Variants in RPTOR observed in about 807,000 individuals in gnomAD.
RPTOR encodes the protein regulatory associated protein of MTOR complex 1, also known as regulatory-associated protein of mTOR.
A neutral mutation model predicts 169.9 loss-of-function variants in RPTOR; 21 were observed. That is an observed-to-expected ratio of 0.12 (90% confidence interval 0.09 to 0.18). The LOEUF (loss-of-function observed/expected upper bound fraction) is 0.18, where lower values mean the gene tolerates loss of function less well. RPTOR is among the 10% of genes least tolerant of loss of function. The pLI is 1.00. For missense variants in RPTOR, 1,133 were observed against 1,855.9 expected (o/e 0.61, Z 7.16); for synonymous variants, 732 against 753.2 (o/e 0.97, Z 0.46).
At chr17:80,887,496 C>T (rs1261604331) in intron 17 of RPTOR, among the ~76,000 whole-genome samples, 1 of 152,146 alleles carries the variant, frequency 6.6e-6, no homozygotes, top group Non-Finnish European at 1.5e-5. Context: ...CGGTGCTCTG[C>T]AGGGGACTTG....
rs73359521 is a variant in RPTOR, at chr17:80,959,801, C to G, written c.3478-277C>G. On this transcript the variant is annotated intron_variant, in intron 29 of 33. Transcript: ENST00000306801. This position sits in a 1 kb window ranked among gnomAD's most constrained non-coding sequence, Gnocchi z 6.7. ...CGGGGTGGGGCTGGCCTCTGCCTCA[C>G]TGGCTGGGTCCCAGGCGCCTCAGGG... 1.3e-5 allele frequency among the ~76,000 whole-genome samples: 2 copies of G among 152,158 alleles called. No homozygotes were observed. Among genetic ancestry groups the G allele is most frequent in the South Asian group, 4.1e-4 (2 of 4,834 alleles).
intron 6 of RPTOR, among the ~76,000 whole-genome samples, chr17:80,770,119 G>A (rs973358916): frequency 2.0e-5 from 3 of 152,218 alleles, no homozygotes; most frequent in African/African-American, 4.8e-5. Context: ...CTCTGCATTC[G>A]AGGTGGCGTC....
chr17:80,613,536 A>G (rs988211686), intron 1 of RPTOR, among the ~76,000 whole-genome samples: 4 of 152,258 alleles, frequency 2.6e-5, no homozygotes, highest in African/African-American at 4.8e-5. Context: ...GACACTTTCA[A>G]GAACTAACAG....
In RPTOR at chr17:80,710,276, G is replaced by A. The variant is rs142313689; in HGVS notation, c.507+2277G>A. On this transcript the variant is annotated intron_variant, in intron 4 of 33. Transcript: ENST00000306801. Reference sequence around the variant, plus strand: ...TCCCAAAGTGCTGGGATTACAGCGTGAGCCACTGCGCCCCGCTCCCAGTTG... The same window carrying A: ...TCCCAAAGTGCTGGGATTACAGCGTAAGCCACTGCGCCCCGCTCCCAGTTG... 6.5e-3 allele frequency among the ~76,000 whole-genome samples: 990 copies of A among 152,134 alleles called. 11 individuals carry two copies. The highest frequency in any genetic ancestry group is 8.2e-3 in the Non-Finnish European group (556 of 68,008).
chr17:80,759,738 A>G (rs1288424992), intron 6 of RPTOR, among the ~76,000 whole-genome samples: 2 of 151,956 alleles, frequency 1.3e-5, no homozygotes, highest in Non-Finnish European at 2.9e-5. Flanking sequence ...GTATGTTTTT[A>G]GGGTTTTAGT....
chr17:80,555,399 C>T lies in RPTOR; in HGVS notation c.162+9608C>T, dbSNP rs187869505. On this transcript the variant is annotated intron_variant, in intron 1 of 33. Coordinates refer to ENST00000306801, the MANE Select transcript of RPTOR (RefSeq NM_020761.3). ...ATTGCTCCAGATTTCTAGTGTGTGT[C>T]CGGAGGGAGATGCACCACCGCCCAC... Among the ~76,000 whole-genome samples the T allele has an allele frequency of 4.6e-5, 7 of 152,138 alleles. No individual in the cohort carries two copies. The South Asian group carries it at 1.0e-3, about 23-fold the overall frequency.
intron 1 of RPTOR, among the ~76,000 whole-genome samples, chr17:80,564,141 C>A (rs145386842): frequency 0.024 from 3,678 of 151,872 alleles, 168 homozygotes; most frequent in East Asian, 0.19. Flanking sequence ...GGGCTCACTA[C>A]AAGCTCTGCC....
chr17:80,642,805 T>A (rs2065564034), intron 2 of RPTOR, among the ~76,000 whole-genome samples: 1 of 152,168 alleles, frequency 6.6e-6, no homozygotes, highest in African/African-American at 2.4e-5. Context: ...TAGATATATG[T>A]GTGAGGTAGG....
chr17:80,771,490 G>C (rs543113914), intron 6 of RPTOR, among the ~76,000 whole-genome samples: 9 of 152,126 alleles, frequency 5.9e-5, no homozygotes, highest in East Asian at 3.9e-4. Flanking sequence ...AGGACGGAAG[G>C]GGGTACCTCC....
chr17:80,617,796 C>T (rs1478408020), intron 1 of RPTOR, among the ~76,000 whole-genome samples: 2 of 152,116 alleles, frequency 1.3e-5, no homozygotes, highest in African/African-American at 4.8e-5. Flanking sequence ...CCTTGGTGGG[C>T]GGTGGGCTGA....
chr17:80,866,832 G>A (rs1410628076), intron 13 of RPTOR, among the ~76,000 whole-genome samples: 1 of 152,034 alleles, frequency 6.6e-6, no homozygotes, highest in Non-Finnish European at 1.5e-5. Context: ...CTTCCACCTT[G>A]GCCTCCCAAA....
At chr17:80,738,600 C>T (rs1403679750) in intron 5 of RPTOR, among the ~76,000 whole-genome samples, 1 of 152,200 alleles carries the variant, frequency 6.6e-6, no homozygotes, top group Non-Finnish European at 1.5e-5. Context: ...CTTCCCCCAG[C>T]CTGAAATCTT....
chr17:80,719,288 G>C (rs2066265460), intron 4 of RPTOR, among the ~76,000 whole-genome samples: 1 of 152,108 alleles, frequency 6.6e-6, no homozygotes, highest in African/African-American at 2.4e-5. Context: ...TGTCAGCCCG[G>C]GGGAACAGAG....
At chr17:80,815,263 T>TAG (rs969769059) in intron 7 of RPTOR, among the ~76,000 whole-genome samples, 4 of 152,108 alleles carry the variant, frequency 2.6e-5, no homozygotes, top group Non-Finnish European at 5.9e-5. Flanking sequence ...GCTGGCCCCA[T>TAG]AGAGAGAGAG....
chr17:80,847,039 C>T lies in RPTOR; in HGVS notation c.1314+465C>T, dbSNP rs560890269. ...AATCCGGGAGAGGAGGGAGGAGGCTCCCTGAGCGGATACTGACCGGCGAAG... is the reference window on the plus strand; with the variant it reads ...AATCCGGGAGAGGAGGGAGGAGGCTTCCTGAGCGGATACTGACCGGCGAAG... On this transcript the variant is annotated intron_variant, in intron 11 of 33. Transcript: ENST00000306801. Among the ~76,000 whole-genome samples the T allele has an allele frequency of 2.6e-5, 4 of 152,378 alleles. No homozygotes were observed. In the East Asian group the frequency reaches 7.7e-4, roughly 29 times the overall value.
intron 20 of RPTOR, among the ~76,000 whole-genome samples, chr17:80,895,426 G>C (rs553330785): frequency 2.0e-5 from 3 of 152,154 alleles, no homozygotes; most frequent in Non-Finnish European, 2.9e-5. Flanking sequence ...CGTGCTGTAC[G>C]TGTAACTTGT....
At position 80,880,970 on chromosome 17, in the gene RPTOR, ATACTT is replaced by A. The variant is rs569802042; in HGVS notation, c.1584+484_1584+488del. Among the ~76,000 whole-genome samples, 135 of 152,336 alleles carry A rather than the reference ATACTT, an allele frequency of 8.9e-4. 1 individual carries two copies. Among genetic ancestry groups the A allele is most frequent in the Non-Finnish European group, 1.0e-4 (7 of 68,026 alleles). ...TTGTTTGAAAGTTTAAATTTTCAGT[ATACTT>A]TATTGTATTAAATTGTTTGAAAATT... On this transcript the variant is annotated intron_variant, in intron 14 of 33. Transcript: ENST00000306801.
intron 5 of RPTOR, among the ~76,000 whole-genome samples, chr17:80,731,619 T>G (rs903551271): frequency 1.3e-5 from 2 of 152,236 alleles, no homozygotes; most frequent in Admixed American, 6.5e-5. Context: ...TTAAGAGGCC[T>G]CCATCTTGTG....
intron 23 of RPTOR, among the ~76,000 whole-genome samples, chr17:80,925,004 G>C (rs1229827322): frequency 1.3e-5 from 2 of 152,246 alleles, no homozygotes; most frequent in Non-Finnish European, 2.9e-5. Flanking sequence ...CATCACAGGA[G>C]CTGTCCTGGA....
Sources: gnomAD v4.1 joint callset for allele counts (sites outside exome capture counted in the v4.1 genomes callset) on GRCh38, gnomAD v4.1.1 for gene constraint, Gnocchi (gnomAD v3.1) non-coding constraint, MANE v1.5 for transcripts, NCBI Gene and HGNC (gene_info 2026-07-23, HGNC 2026-07-21) for gene names.